Variants in GALNT9 observed in about 807,000 individuals in gnomAD.
The protein encoded by GALNT9 is polypeptide N-acetylgalactosaminyltransferase 9.
In GALNT9, 47 loss-of-function variants were observed where a neutral mutation model predicts 63.1. The observed-to-expected ratio is 0.75, with a 90% CI of 0.59 to 0.95. The LOEUF (loss-of-function observed/expected upper bound fraction) is 0.95. Among genes scored for constraint, GALNT9 ranks in the 40% least tolerant of loss-of-function variants. GALNT9 has a pLI of 0.00. For synonymous variants in GALNT9, 396 were observed against 365.7 expected (o/e 1.08, Z -0.94); for missense variants, 829 against 874.8 (o/e 0.95, Z 0.66).
chr12:132,244,887 G>A (rs1593082129), intron 6 of GALNT9, among the ~76,000 whole-genome samples: 1 of 151,328 alleles, frequency 6.6e-6, no homozygotes, highest in Non-Finnish European at 1.5e-5. Context: ...ACTGGGTTCT[G>A]GTTCTCAGCC....
chr12:132,240,857 C>A (rs1159524558), intron 6 of GALNT9: 3 of 388,246 alleles, frequency 7.7e-6, no homozygotes, highest in African/African-American at 2.1e-5. Flanking sequence ...ACCACACCCC[C>A]TTCCCAGGGC....
In GALNT9 at chr12:132,245,174, G is replaced by C. The variant is rs1230233817; in HGVS notation, c.1077+2736C>G. Among the ~76,000 whole-genome samples the C allele has an allele frequency of 6.6e-6, 1 of 152,082 alleles. No homozygotes were observed. The highest frequency in any genetic ancestry group is 2.4e-5 in the African/African-American group (1 of 41,378). ...GCCCCTATGTCAGCCAGGCGTGGTGGTTCACACCTGGAATCCCAGCACTGT... is the reference window on the plus strand; with the variant it reads ...GCCCCTATGTCAGCCAGGCGTGGTGCTTCACACCTGGAATCCCAGCACTGT... On this transcript the variant is annotated intron_variant, in intron 6 of 10. Coordinates refer to ENST00000328957, the MANE Select transcript of GALNT9 (RefSeq NM_001122636.2). This position sits in a 1 kb window ranked among gnomAD's most constrained non-coding sequence, Gnocchi z 6.3.
In GALNT9 at chr12:132,253,160, C is replaced by A. The variant is rs182760033; in HGVS notation, c.959+4529G>T. On this transcript the variant is annotated intron_variant, in intron 5 of 10. Coordinates refer to ENST00000328957, the MANE Select transcript of GALNT9 (RefSeq NM_001122636.2). ...CTATTTCTTCTTCTGCTATCTACTA[C>A]GAACTCCAAAGAGGAACCAGGAGTG... Among the ~76,000 whole-genome samples the A allele has an allele frequency of 3.4e-3, 518 of 152,286 alleles. 3 individuals are homozygous for A. The highest frequency in any genetic ancestry group is 8.8e-3 in the African/African-American group (365 of 41,542).
Position 132,202,394 on chromosome 12 carries a change from CGGGAGCTGATAT to C in GALNT9, c.1263+1099_1263+1110del, listed in dbSNP as rs1408573791. Among the ~76,000 whole-genome samples, 15 of 152,266 alleles carry C rather than the reference CGGGAGCTGATAT, an allele frequency of 9.9e-5. No homozygotes were observed. In the East Asian group the frequency reaches 2.9e-3, roughly 29 times the overall value. On this transcript the variant is annotated intron_variant, in intron 7 of 10. Transcript: ENST00000328957. Reference sequence around the variant, plus strand: ...TGTCTACGGCTCCTGATCTGCCTGGCGGGAGCTGATATGGGGGCTGGATGCTGGATTTGCAGT... The same window carrying C: ...TGTCTACGGCTCCTGATCTGCCTGGCGGGGGCTGGATGCTGGATTTGCAGT...
chr12:132,264,703 C>A (rs928186127), intron 2 of GALNT9, among the ~76,000 whole-genome samples: 31 of 152,200 alleles, frequency 2.0e-4, no homozygotes, highest in African/African-American at 7.5e-4. Context: ...GGGTGACGTG[C>A]TCTTCCCTGA....
At chr12:132,239,213 G>A (rs1361198137) in intron 6 of GALNT9, among the ~76,000 whole-genome samples, 1 of 146,928 alleles carries the variant, frequency 6.8e-6, no homozygotes, top group African/African-American at 2.6e-5. Flanking sequence ...GAGAGAGACA[G>A]AGAGACACAG....
In GALNT9 at chr12:132,237,267, T is replaced by C. The variant is rs1008636679; in HGVS notation, c.1077+10643A>G. On this transcript the variant is annotated intron_variant, in intron 6 of 10. Transcript: ENST00000328957. Reference sequence around the variant, plus strand: ...ACCTGATCACACCCGTCCACACCTGTTCATACCTGTCCACACCTGCTCACA... The same window carrying C: ...ACCTGATCACACCCGTCCACACCTGCTCATACCTGTCCACACCTGCTCACA... Among the ~76,000 whole-genome samples, 6 of 152,134 alleles carry C rather than the reference T, an allele frequency of 3.9e-5. No homozygotes were observed. The East Asian group carries it at 1.2e-3, about 29-fold the overall frequency.
intron 5 of GALNT9, among the ~76,000 whole-genome samples, chr12:132,255,268 G>A (rs1879067043): frequency 1.3e-5 from 2 of 152,160 alleles, no homozygotes. Context: ...GAGATAAAAT[G>A]CATCCAAAAT....
At chr12:132,313,740 A>T (rs111068627) in intron 1 of GALNT9, among the ~76,000 whole-genome samples, 10,133 of 125,434 alleles carry the variant, frequency 0.081, 538 homozygotes, top group Middle Eastern at 0.1. Flanking sequence ...CTGCCTACTC[A>T]TCCATTCATC....
At position 132,196,739 on chromosome 12, in the gene GALNT9, A is replaced by G; in HGVS notation, c.*368T>C. On this transcript the variant is annotated 3_prime_UTR_variant, in exon 11 of 11. Transcript: ENST00000328957. ...CTGCGGGTGGAAGACACCAGGGTGCAGCCTGGTGCATGGTCCGGGGCTTGG... is the reference window on the plus strand; with the variant it reads ...CTGCGGGTGGAAGACACCAGGGTGCGGCCTGGTGCATGGTCCGGGGCTTGG... 9.7e-7 allele frequency: 1 copy of G among 1,029,544 alleles called. No individual in the cohort carries two copies. Among genetic ancestry groups the G allele is most frequent in the Non-Finnish European group, 1.2e-6 (1 of 858,178 alleles). The allele number at this position is 1,029,544 out of a possible 1,614,324, so 63.8% of individuals were successfully genotyped here. A position where few individuals can be genotyped will look rare whatever the true frequency, so the allele number is the denominator to read the frequency against.
Position 132,201,215 on chromosome 12 carries a change from C to T in GALNT9, c.1310G>A (p.Arg437His), listed in dbSNP as rs767618128. 3.7e-5 allele frequency: 60 copies of T among 1,613,302 alleles called. No individual in the cohort carries two copies. The highest frequency in any genetic ancestry group is 6.6e-5 in the South Asian group (6 of 90,986). ...GAAGCTGCGACACTTCAGCCTCTGA[C>T]GCAGGGCCAGCCTCTCAGACACGTC... ...FGDVSERLAL[R>H]QRLKCRSFKW... The change falls in exon 8 of 11, where the codon CGT becomes CAT. Residue 437 changes from arginine (R) to histidine (H), a missense_variant. Arg to His is a conservative substitution (Grantham distance 29). Coordinates refer to ENST00000328957, the MANE Select transcript of GALNT9 (RefSeq NM_001122636.2).
At position 132,327,352 on chromosome 12, in the gene GALNT9, C is replaced by T. The variant is rs1869082625; in HGVS notation, c.238+1614G>A. On this transcript the variant is annotated intron_variant, in intron 1 of 10. Coordinates refer to ENST00000328957, the MANE Select transcript of GALNT9 (RefSeq NM_001122636.2). This position sits in a 1 kb window ranked among gnomAD's most constrained non-coding sequence, Gnocchi z 4.3. ...TTATCTCCCGCCAATGTCAGCAAAG[C>T]GGATCATGGGTCCTGGCTTTTTCCA... Among the ~76,000 whole-genome samples, 2 of 151,950 alleles carry T rather than the reference C, an allele frequency of 1.3e-5. No homozygotes were observed. Among genetic ancestry groups the T allele is most frequent in the African/African-American group, 4.8e-5 (2 of 41,378 alleles).
intron 6 of GALNT9, among the ~76,000 whole-genome samples, chr12:132,213,690 G>C (rs1034030561): frequency 4.6e-5 from 7 of 152,370 alleles, no homozygotes; most frequent in Admixed American, 4.6e-4. Context: ...TAGGGGTTCT[G>C]GGGTCAGCCC....
chr12:132,263,571 C>T (rs1879486565), intron 2 of GALNT9, among the ~76,000 whole-genome samples: 1 of 152,162 alleles, frequency 6.6e-6, no homozygotes, highest in African/African-American at 2.4e-5. Context: ...TGGCCCCCCT[C>T]ACCGTCCTCA....
chr12:132,209,246 G>T (rs1411697574), intron 6 of GALNT9, among the ~76,000 whole-genome samples: 1 of 152,164 alleles, frequency 6.6e-6, no homozygotes, highest in Non-Finnish European at 1.5e-5. Flanking sequence ...GTTGCAGTAG[G>T]CCGGGTGCGG....
rs1555238686 is a variant in GALNT9 at position 132,252,627 on chromosome 12, C to T, written c.960-4600G>A. 1.3e-5 allele frequency among the ~76,000 whole-genome samples: 2 copies of T among 152,124 alleles called. No homozygotes were observed. The highest frequency in any genetic ancestry group is 1.9e-4 in the East Asian group (1 of 5,192). On this transcript the variant is annotated intron_variant, in intron 5 of 10. Transcript: ENST00000328957. This position sits in a 1 kb window ranked among gnomAD's most constrained non-coding sequence, Gnocchi z 5.2. ...GGCGCACTGGCTCATGCCTGTAATC[C>T]CAGCACTTTGGGAGGCCGAGGCAGG...
In GALNT9 at chr12:132,316,208, A is replaced by G. The variant is rs1425108466; in HGVS notation, c.238+12758T>C. 2.6e-5 allele frequency among the ~76,000 whole-genome samples: 4 copies of G among 152,070 alleles called. No homozygotes were observed. The highest frequency in any genetic ancestry group is 9.7e-5 in the African/African-American group (4 of 41,390). On this transcript the variant is annotated intron_variant, in intron 1 of 10. Transcript: ENST00000328957. The surrounding 1 kb of genome is among the most constrained non-coding windows in gnomAD (Gnocchi z 4.3). Reference sequence around the variant, plus strand: ...CCAGGCTCGGCTCTCCAGCAGAGGCATGAAGCTGGATCACAGTCAGTGCCT... The same window carrying G: ...CCAGGCTCGGCTCTCCAGCAGAGGCGTGAAGCTGGATCACAGTCAGTGCCT...
chr12:132,277,703 C>T (rs1201442006), intron 2 of GALNT9: 2 of 152,312 alleles, frequency 1.3e-5, no homozygotes, highest in African/African-American at 4.8e-5. Context: ...AACTCACCTT[C>T]ACACAGCCGC....
At chr12:132,277,997 C>G (rs1292814870) in intron 2 of GALNT9, 4 of 137,042 alleles carry the variant, frequency 2.9e-5, no homozygotes, top group Admixed American at 2.8e-4. Context: ...CCGCCCCGGC[C>G]CCCTCCCCCT....
Sources: allele counts gnomAD v4.1 joint callset (sites outside exome capture counted in the v4.1 genomes callset), GRCh38; gene constraint gnomAD v4.1.1; non-coding constraint Gnocchi (gnomAD v3.1); transcripts MANE v1.5; gene names NCBI Gene and HGNC (gene_info 2026-07-23, HGNC 2026-07-21).